WNK2: variants seen among roughly 807,000 people sequenced by gnomAD.
The protein encoded by WNK2 is WNK lysine deficient protein kinase 2.
WNK2 carries 67 observed loss-of-function variants against 192.1 expected under a neutral mutation model. The observed-to-expected ratio is 0.35, with a 90% CI of 0.29 to 0.43. WNK2 has a LOEUF of 0.43. Among genes scored for constraint, WNK2 ranks in the 20% least tolerant of loss-of-function variants. WNK2 has a pLI of 1.00. For synonymous variants in WNK2, 1,439 were observed against 1,393.9 expected (o/e 1.03, Z -0.72); for missense variants, 2,698 against 3,089.7 (o/e 0.87, Z 3.01).
In WNK2 at chr9:93,308,069, C is replaced by T. The variant is rs182085791; in HGVS notation, c.6260-259C>T. On this transcript the variant is annotated intron_variant, in intron 27 of 29. Transcript: ENST00000427277. ...AGAGTGGATGCTGAGCAGAGGCTGC[C>T]GGCTGCTGCAGAGTCCTGTCCCCTG... 4.8e-4 allele frequency: 292 copies of T among 603,078 alleles called. 1 individual carries two copies. The highest frequency in any genetic ancestry group is 4.8e-3 in the African/African-American group (258 of 53,800). 37.4% of individuals were successfully genotyped at this position (603,078 alleles called of 1,614,324 possible).
chr9:93,235,125 A>G (rs1361268954), intron 5 of WNK2, among the ~76,000 whole-genome samples, 160 bp downstream of exon 5: 1 of 152,202 alleles, frequency 6.6e-6, no homozygotes, highest in East Asian at 1.9e-4. Flanking sequence ...GCCATTTTAC[A>G]GAGGGGGAAA....
chr9:93,317,496 T>G (rs774669109), intron 28 of WNK2, 24 bp from the exon 29 acceptor site: 1 of 1,612,032 alleles, frequency 6.2e-7, no homozygotes, highest in Admixed American at 1.7e-5. Flanking sequence ...TGTACCTTCC[T>G]CTTCTCGTCT....
In WNK2 at chr9:93,247,599, T is replaced by C; in HGVS notation, c.1599T>C (p.Arg533=). ...SDVKIVAKSI[R]DRVALIQWRR... ...TCAAGATCGTGGCCAAGTCCATCCG[T>C]GACCGCGTGGCCTTGATCCAGTGGC... Residue 533 remains arginine, a synonymous_variant, in exon 8 of 30, where the codon CGT becomes CGC. Transcript: ENST00000427277. The surrounding 1 kb of genome is among the most constrained non-coding windows in gnomAD (Gnocchi z 5.2). 1 of 1,606,738 alleles carries C rather than the reference T, an allele frequency of 6.2e-7. No homozygotes were observed.
rs980447620 is a variant in WNK2 at position 93,309,248 on chromosome 9, A to G, written c.6516+664A>G. 28 of 499,150 alleles carry G rather than the reference A, an allele frequency of 5.6e-5. No homozygotes were observed. The East Asian group carries it at 1.8e-3, about 32-fold the overall frequency. 30.9% of individuals were successfully genotyped at this position (499,150 alleles called of 1,614,324 possible). ...TTTTTAGCGTGGGATACTTTCCTCT[A>G]TGATCTTTAACCTTAAAATTTATTT... is the stretch of plus-strand genomic sequence containing the variant. On this transcript the variant is annotated intron_variant, in intron 28 of 29. Coordinates refer to ENST00000427277, the MANE Select transcript of WNK2 (RefSeq NM_006648.4).
intron 19 of WNK2, among the ~76,000 whole-genome samples, chr9:93,271,349 T>G (rs967993054): frequency 6.6e-6 from 1 of 152,208 alleles, no homozygotes; most frequent in Non-Finnish European, 1.5e-5. Flanking sequence ...ATGTTCAGAA[T>G]AGAATTCAAA....
At chr9:93,225,576 A>C (rs536453680) in intron 2 of WNK2, among the ~76,000 whole-genome samples, 1 of 152,322 alleles carries the variant, frequency 6.6e-6, no homozygotes, top group Non-Finnish European at 1.5e-5. Context: ...TTAAAAATGA[A>C]GACTGTAGTG....
rs778912371 is a variant in WNK2 at position 93,229,728 on chromosome 9, G to C, written c.714G>C (p.Arg238=). 3.7e-6 allele frequency: 6 copies of C among 1,613,408 alleles called. No homozygotes were observed. Among genetic ancestry groups the C allele is most frequent in the East Asian group, 2.2e-5 (1 of 44,882 alleles). ...DRKLTKLERQ[R]FKEEAEMLKG... is the part of the protein sequence containing the mutation. ...AGCTCACCAAGCTGGAGCGGCAGCG[G>C]TTCAAGGAAGAGGCTGAGATGCTGA... The change falls in exon 3 of 30, where the codon CGG becomes CGC. Residue 238 remains arginine (R), a synonymous_variant. Coordinates refer to ENST00000427277, the MANE Select transcript of WNK2 (RefSeq NM_006648.4). This position sits in a 1 kb window ranked among gnomAD's most constrained non-coding sequence, Gnocchi z 4.9.
At chr9:93,202,739 C>T (rs1832692515) in intron 2 of WNK2, among the ~76,000 whole-genome samples, 1 of 151,848 alleles carries the variant, frequency 6.6e-6, no homozygotes, top group Admixed American at 6.5e-5. Context: ...GCAGCCGGGG[C>T]TAAATGCTCC....
At chr9:93,207,344 G>GT (rs1310796925) in intron 2 of WNK2, among the ~76,000 whole-genome samples, 1 of 152,086 alleles carries the variant, frequency 6.6e-6, no homozygotes, top group African/African-American at 2.4e-5. Flanking sequence ...CAGATCTCTG[G>GT]TGGGGGGGCC....
At chr9:93,231,842 G>C (rs75172184) in intron 4 of WNK2, among the ~76,000 whole-genome samples, 1 of 152,212 alleles carries the variant, frequency 6.6e-6, no homozygotes, top group Non-Finnish European at 1.5e-5. Flanking sequence ...AGGGGTCTGC[G>C]TTGTGCCATG....
chr9:93,274,529 A>AG (rs2133393194), intron 19 of WNK2, among the ~76,000 whole-genome samples: 3 of 139,650 alleles, frequency 2.1e-5, no homozygotes, highest in African/African-American at 7.7e-5. Context: ...AAAAAAAAAA[A>AG]AAAAAAAAAG....
chr9:93,220,749 G>T (rs1428091170), intron 2 of WNK2, among the ~76,000 whole-genome samples: 2 of 152,278 alleles, frequency 1.3e-5, no homozygotes, highest in South Asian at 2.1e-4. Flanking sequence ...AGGCTTTGTG[G>T]GTGTGGTGGG....
intron 7 of WNK2, among the ~76,000 whole-genome samples, chr9:93,240,675 C>T (rs1482223922): frequency 1.3e-5 from 2 of 152,014 alleles, no homozygotes; most frequent in Non-Finnish European, 2.9e-5. Flanking sequence ...GGAGGAGAGG[C>T]CACGCTGACG....
At chr9:93,191,629 C>T (rs150875273) in intron 2 of WNK2, among the ~76,000 whole-genome samples, 1 of 152,040 alleles carries the variant, frequency 6.6e-6, no homozygotes, top group Non-Finnish European at 1.5e-5. Context: ...TGAGAGATTA[C>T]AGGGCTGGTA....
intron 2 of WNK2, among the ~76,000 whole-genome samples, chr9:93,211,287 C>T (rs376683642): frequency 7.9e-5 from 12 of 151,556 alleles, no homozygotes; most frequent in East Asian, 1.9e-4. Context: ...TCCACTCACT[C>T]ATACACTCAG....
chr9:93,288,932 C>A lies in WNK2; in HGVS notation c.4178C>A (p.Ala1393Asp), dbSNP rs1848881136. The change falls in exon 20 of 30, where the codon GCT (alanine) becomes GAT (aspartate). Residue 1393 changes from alanine (A) to aspartate (D), a missense_variant. Physicochemically the swap from Ala to Asp is moderately radical, Grantham distance 126. Coordinates refer to ENST00000427277, the MANE Select transcript of WNK2 (RefSeq NM_006648.4). ...GCCCCCTCCTCCCCTCCTGTGACTGCTCTGCCCCAAGATGGAGCAGCTCCA... is the reference window on the plus strand; with the variant it reads ...GCCCCCTCCTCCCCTCCTGTGACTGATCTGCCCCAAGATGGAGCAGCTCCA... ...PLAPSSPPVT[A>D]LPQDGAAPAT... is the part of the protein sequence containing the mutation. 2.5e-6 allele frequency: 4 copies of A among 1,607,136 alleles called. No homozygotes were observed. Among genetic ancestry groups the A allele is most frequent in the Non-Finnish European group, 3.4e-6 (4 of 1,177,476 alleles).
intron 8 of WNK2, among the ~76,000 whole-genome samples, chr9:93,249,966 T>G (rs1469278246): frequency 7.4e-6 from 1 of 134,232 alleles, no homozygotes; most frequent in Non-Finnish European, 1.5e-5. Context: ...CAGGCTGGAG[T>G]GCACTGGTGC....
chr9:93,300,415 C>T (rs1463702614), intron 26 of WNK2: 5 of 358,122 alleles, frequency 1.4e-5, no homozygotes, highest in South Asian at 7.6e-5. Flanking sequence ...GGCTGGCCTG[C>T]CTTCCGCCCC....
At chr9:93,266,403 G>C (rs10761204) in intron 16 of WNK2, among the ~76,000 whole-genome samples, 1 of 152,092 alleles carries the variant, frequency 6.6e-6, no homozygotes, top group South Asian at 2.1e-4. Flanking sequence ...TGTATTTTTA[G>C]ATTTTTATTT....
Sources: gnomAD v4.1 joint callset for allele counts (sites outside exome capture counted in the v4.1 genomes callset) on GRCh38, gnomAD v4.1.1 for gene constraint, Gnocchi (gnomAD v3.1) non-coding constraint, MANE v1.5 for transcripts, NCBI Gene and HGNC (gene_info 2026-07-23, HGNC 2026-07-21) for gene names.